The following ANKRD11 variants were observed in gnomAD, a reference collection of about 807,000 sequenced individuals.
ANKRD11 encodes ankyrin repeat domain 11.
A neutral mutation model predicts 195.7 loss-of-function variants in ANKRD11; 17 were observed. That is an observed-to-expected ratio of 0.09 (90% CI 0.06 to 0.13). ANKRD11 has a LOEUF of 0.13. Among genes scored for constraint, ANKRD11 ranks in the 10% least tolerant of loss-of-function variants. The pLI, the probability that ANKRD11 is intolerant of heterozygous loss-of-function variation, is 1.00. For missense variants in ANKRD11, 3,735 were observed against 3,566.1 expected, an observed-to-expected ratio of 1.05 and a Z score of -1.21; for synonymous variants, 1,953 against 1,528.1, an observed-to-expected ratio of 1.28 and a Z score of -6.49.
At chr16:89,427,421 A>G (rs1266160709) in intron 1 of ANKRD11, among the ~76,000 whole-genome samples, 4 of 152,238 alleles carry the variant, frequency 2.6e-5, no homozygotes, top group Non-Finnish European at 4.4e-5. Flanking sequence ...TCTAGATGGA[A>G]TTGTAAACCT....
chr16:89,302,439 G>A (rs936151734), intron 4 of ANKRD11, among the ~76,000 whole-genome samples: 1 of 152,154 alleles, frequency 6.6e-6, no homozygotes, highest in Non-Finnish European at 1.5e-5. Flanking sequence ...TTTTAGTAGC[G>A]ACAGGGTTTC....
chr16:89,315,038 CCACCCA>C (rs1230846492), intron 3 of ANKRD11, among the ~76,000 whole-genome samples: 1 of 152,184 alleles, frequency 6.6e-6, no homozygotes, highest in Admixed American at 6.5e-5. Context: ...CCTGGGACCC[CCACCCA>C]CATCACCCGT....
At position 89,373,916 on chromosome 16, in the gene ANKRD11, CG is replaced by C. The variant is rs1243413958; in HGVS notation, c.-60+44367del. 2.0e-5 allele frequency among the ~76,000 whole-genome samples: 3 copies of C among 152,326 alleles called. No homozygotes were observed. In the Middle Eastern group the frequency reaches 0.01, roughly 518 times the overall value. On this transcript the variant is annotated intron_variant, in intron 2 of 12. Transcript: ENST00000301030. ...CCTGAGTCTTGGCAGGCGGTCCACACGGGACAGGGTCATCAGGAGTGACCAC... is the reference window on the plus strand; with the variant it reads ...CCTGAGTCTTGGCAGGCGGTCCACACGGACAGGGTCATCAGGAGTGACCAC...
At chr16:89,343,438 T>TG (rs1221503509) in intron 2 of ANKRD11, among the ~76,000 whole-genome samples, 1 of 152,262 alleles carries the variant, frequency 6.6e-6, no homozygotes, top group Non-Finnish European at 1.5e-5. Context: ...TGTGTTTTTA[T>TG]GTGTAATCTC....
At chr16:89,274,000 A>T (rs926651718) in intron 11 of ANKRD11, among the ~76,000 whole-genome samples, 1 of 152,094 alleles carries the variant, frequency 6.6e-6, no homozygotes, top group Non-Finnish European at 1.5e-5. Flanking sequence ...GGAGCCCACA[A>T]CCTGAGCGCA....
intron 2 of ANKRD11, among the ~76,000 whole-genome samples, chr16:89,383,436 A>C (rs982393916): frequency 5.9e-5 from 9 of 152,210 alleles, no homozygotes; most frequent in African/African-American, 2.2e-4. Context: ...GTGAGTTCAG[A>C]AAGGCGCTGT....
intron 2 of ANKRD11, among the ~76,000 whole-genome samples, chr16:89,347,968 C>T (rs1434013432): frequency 6.6e-6 from 1 of 151,868 alleles, no homozygotes; most frequent in Non-Finnish European, 1.5e-5. Context: ...GCATCTCATT[C>T]CATCACCCAG....
chr16:89,473,045 G>A (rs1316146553), intron 1 of ANKRD11, among the ~76,000 whole-genome samples: 4 of 152,046 alleles, frequency 2.6e-5, no homozygotes, highest in Non-Finnish European at 5.9e-5. Flanking sequence ...ACAAACATTA[G>A]CCAGGTGTGG....
chr16:89,334,900 C>A (rs2038267909), intron 2 of ANKRD11, among the ~76,000 whole-genome samples: 1 of 152,104 alleles, frequency 6.6e-6, no homozygotes, highest in Non-Finnish European at 1.5e-5. Flanking sequence ...CTGCTGTGGC[C>A]TTCTGCATGC....
chr16:89,432,634 A>AT (rs1358722969), intron 1 of ANKRD11, among the ~76,000 whole-genome samples: 1 of 151,992 alleles, frequency 6.6e-6, no homozygotes, highest in African/African-American at 2.4e-5. Context: ...GGAGATATGT[A>AT]TTGCTTTTAT....
At chr16:89,298,218 G>C (rs567446699) in intron 4 of ANKRD11, 2 of 152,462 alleles carry the variant, frequency 1.3e-5, no homozygotes, top group African/African-American at 4.8e-5. Context: ...AAAGGGCTCA[G>C]ATGACAACCA....
At chr16:89,405,790 C>G (rs542098002) in intron 2 of ANKRD11, among the ~76,000 whole-genome samples, 1 of 152,264 alleles carries the variant, frequency 6.6e-6, no homozygotes, top group East Asian at 1.9e-4. Flanking sequence ...ATTCCTCACA[C>G]CTTCCCCCAG....
intron 1 of ANKRD11, among the ~76,000 whole-genome samples, chr16:89,431,988 C>A (rs1046883936): frequency 2.6e-5 from 4 of 152,114 alleles, no homozygotes; most frequent in Non-Finnish European, 5.9e-5. Context: ...CAGCTCCCCC[C>A]CATCACTGTC....
intron 3 of ANKRD11, among the ~76,000 whole-genome samples, chr16:89,306,975 G>A (rs890496193): frequency 4.6e-5 from 7 of 151,910 alleles, no homozygotes; most frequent in African/African-American, 1.2e-4. Context: ...GACGTGGGGA[G>A]GGGGACGGTG....
chr16:89,370,845 A>C (rs1454074785), intron 2 of ANKRD11: 1 of 152,368 alleles, frequency 6.6e-6, no homozygotes, highest in Non-Finnish European at 1.5e-5. Context: ...CTGAGTGCTC[A>C]GTACAGCAGC....
intron 4 of ANKRD11, 78 bp downstream of exon 4, chr16:89,305,128 G>A: frequency 1.3e-6 from 2 of 1,571,418 alleles, no homozygotes; most frequent in Non-Finnish European, 1.7e-6. Flanking sequence ...CGGAGGTGCG[G>A]GGGCCAGGGA....
At chr16:89,399,946 T>C (rs1352744456) in intron 2 of ANKRD11, among the ~76,000 whole-genome samples, 1 of 152,012 alleles carries the variant, frequency 6.6e-6, no homozygotes, top group Non-Finnish European at 1.5e-5. Flanking sequence ...GTAAGCCGAG[T>C]GACACAAGAG....
intron 2 of ANKRD11, among the ~76,000 whole-genome samples, chr16:89,326,852 G>A (rs1443521466): frequency 6.6e-6 from 1 of 152,234 alleles, no homozygotes; most frequent in African/African-American, 2.4e-5. Flanking sequence ...CACAAAGCCT[G>A]CCCGCCAGGG....
intron 4 of ANKRD11, among the ~76,000 whole-genome samples, chr16:89,293,559 C>CAGAGTTGGGGCTGCGGA (rs2035210531): frequency 8.7e-6 from 1 of 114,756 alleles, no homozygotes; most frequent in African/African-American, 3.3e-5. Context: ...GGAGCTGGGG[C>CAGAGTTGGGGCTGCGGA]GGTATTGGGG....
Sources: allele counts gnomAD v4.1 joint callset (sites outside exome capture counted in the v4.1 genomes callset), GRCh38; gene constraint gnomAD v4.1.1; transcripts MANE v1.5; gene names NCBI Gene and HGNC (gene_info 2026-07-23, HGNC 2026-07-21).